The following MAPK4 variants were observed in gnomAD, a reference collection of about 807,000 sequenced individuals.
MAPK4 encodes the protein mitogen-activated protein kinase 4, also known as Erk3-related.
MAPK4 carries 22 observed loss-of-function variants against 47.7 expected under a neutral mutation model. The observed-to-expected ratio is 0.46, with a 90% CI of 0.33 to 0.66. The LOEUF is 0.66. Among genes scored for constraint, MAPK4 ranks in the 30% least tolerant of loss-of-function variants. The pLI is 0.02. For missense variants in MAPK4, 736 were observed against 831.7 expected (o/e 0.88, Z 1.42); for synonymous variants, 390 against 365.7 (o/e 1.07, Z -0.76).
chr18:50,607,192 G>A (rs1010693340), intron 1 of MAPK4, among the ~76,000 whole-genome samples: 3 of 152,132 alleles, frequency 2.0e-5, no homozygotes, highest in Non-Finnish European at 4.4e-5. Flanking sequence ...GGGCCAGGGG[G>A]GAGGGGACTT....
intron 1 of MAPK4, among the ~76,000 whole-genome samples, chr18:50,575,923 CA>C (rs2042293014): frequency 6.6e-6 from 1 of 151,770 alleles, no homozygotes; most frequent in Non-Finnish European, 1.5e-5. Flanking sequence ...TTAGGAAATG[CA>C]AATCCAAAGC....
At chr18:50,566,709 G>A (rs913502722) in intron 1 of MAPK4, among the ~76,000 whole-genome samples, 1 of 152,252 alleles carries the variant, frequency 6.6e-6, no homozygotes, top group Non-Finnish European at 1.5e-5. Flanking sequence ...TTGGTGGAAT[G>A]AGACTATTTT....
At chr18:50,686,233 C>T (rs1908873663) in intron 2 of MAPK4, among the ~76,000 whole-genome samples, 1 of 152,170 alleles carries the variant, frequency 6.6e-6, no homozygotes, top group African/African-American at 2.4e-5. Context: ...TAGCCTTGCA[C>T]CGTAGTGAAC....
intron 1 of MAPK4, among the ~76,000 whole-genome samples, chr18:50,623,559 T>C (rs866477107): frequency 1.3e-5 from 2 of 152,100 alleles, no homozygotes; most frequent in Non-Finnish European, 2.9e-5. Context: ...CCCAACCCCA[T>C]CCTTGACACT....
intron 2 of MAPK4, chr18:50,706,283 A>G (rs1045571663): frequency 3.9e-5 from 6 of 152,244 alleles, no homozygotes; most frequent in African/African-American, 1.4e-4. Flanking sequence ...AATACTACTT[A>G]CCTTTCCAAA....
In MAPK4 at chr18:50,729,280, C is replaced by G. The variant is rs753551722; in HGVS notation, c.1190C>G (p.Pro397Arg). Residue 397 changes from proline (P) to arginine (R), a missense_variant, in exon 6 of 6, where the codon CCG becomes CGG. By Grantham distance (103) the Pro-to-Arg change is moderately radical. This residue lies in a region of MAPK4 where 377 missense variants were observed against 378.6 expected (regional missense o/e 1.00). Coordinates refer to ENST00000400384, the MANE Select transcript of MAPK4 (RefSeq NM_002747.4). ...APLAEDVQVD[P>R]RKDSHSSSER... ...CTGGCTGAGGACGTGCAGGTGGACC[C>G]GCGCAAGGACTCGCACAGCAGCTCC... 8 of 1,609,248 alleles carry G rather than the reference C, an allele frequency of 5.0e-6. No individual in the cohort carries two copies. Among genetic ancestry groups the G allele is most frequent in the Non-Finnish European group, 6.8e-6 (8 of 1,177,836 alleles).
intron 1 of MAPK4, among the ~76,000 whole-genome samples, chr18:50,583,872 G>A (rs968723001): frequency 2.0e-5 from 3 of 152,184 alleles, no homozygotes; most frequent in African/African-American, 7.2e-5. Flanking sequence ...AACCTTGCAG[G>A]TGATCTTGAT....
chr18:50,646,789 GTC>G (rs2042993685), intron 1 of MAPK4, among the ~76,000 whole-genome samples: 1 of 152,124 alleles, frequency 6.6e-6, no homozygotes, highest in Non-Finnish European at 1.5e-5. Flanking sequence ...CTCTCTAGCC[GTC>G]TCTCTATTCC....
At chr18:50,561,662 G>T (rs1444783523) in intron 1 of MAPK4, among the ~76,000 whole-genome samples, 4 of 152,182 alleles carry the variant, frequency 2.6e-5, no homozygotes, top group East Asian at 3.8e-4. Flanking sequence ...TGAACCTCGA[G>T]TCTTCAACTC....
intron 5 of MAPK4, among the ~76,000 whole-genome samples, chr18:50,726,983 C>A (rs1021819346): frequency 1.3e-5 from 2 of 152,218 alleles, no homozygotes; most frequent in Non-Finnish European, 2.9e-5. Flanking sequence ...CTGCAATCTG[C>A]ATCCATGTCA....
At chr18:50,674,430 C>A (rs893603797) in intron 2 of MAPK4, among the ~76,000 whole-genome samples, 2 of 152,130 alleles carry the variant, frequency 1.3e-5, no homozygotes, top group Non-Finnish European at 2.9e-5. Context: ...ATGATCCTGC[C>A]TTTTGTGGTT....
chr18:50,721,870 G>A lies in MAPK4; in HGVS notation c.692-68G>A, dbSNP rs188195766. Reference sequence around the variant, plus strand: ...TGTCCCTCCCAGAACACCTGGCACTGCTTTTGGGCTACTGCACACCACAGC... The same window carrying A: ...TGTCCCTCCCAGAACACCTGGCACTACTTTTGGGCTACTGCACACCACAGC... On this transcript the variant is annotated intron_variant, in intron 3 of 5. Coordinates refer to ENST00000400384, the MANE Select transcript of MAPK4 (RefSeq NM_002747.4). The A allele has an allele frequency of 2.2e-4, 336 of 1,544,894 alleles. No homozygotes were observed. The African/African-American group carries it at 3.8e-3, about 18-fold the overall frequency.
intron 2 of MAPK4, among the ~76,000 whole-genome samples, chr18:50,680,335 G>A (rs1367725158): frequency 2.6e-5 from 4 of 151,720 alleles, no homozygotes; most frequent in South Asian, 2.1e-4. Flanking sequence ...CAGGTACTCC[G>A]CCCACCTCAG....
At chr18:50,599,934 A>C (rs2149371603) in intron 1 of MAPK4, among the ~76,000 whole-genome samples, 1 of 152,262 alleles carries the variant, frequency 6.6e-6, no homozygotes, top group South Asian at 2.1e-4. Context: ...CTCTAAATGG[A>C]ACATCTTACT....
At chr18:50,698,915 T>C (rs373733223) in intron 2 of MAPK4, among the ~76,000 whole-genome samples, 6 of 152,014 alleles carry the variant, frequency 3.9e-5, no homozygotes, top group African/African-American at 1.4e-4. Context: ...ATCCCCGCTA[T>C]CTGGGAGGCT....
intron 1 of MAPK4, among the ~76,000 whole-genome samples, chr18:50,578,747 G>A (rs1361911820): frequency 6.6e-6 from 1 of 152,190 alleles, no homozygotes; most frequent in East Asian, 1.9e-4. Context: ...AGTCTTGGGG[G>A]AGTAATGGAC....
chr18:50,634,626 G>C lies in MAPK4; in HGVS notation c.-870-28463G>C, dbSNP rs142265174. ...TTAAATTTCCCCATAGGCATAAGAGGTGTTTTTGTAGATCATGGAAGAAAT... is the reference window on the plus strand; with the variant it reads ...TTAAATTTCCCCATAGGCATAAGAGCTGTTTTTGTAGATCATGGAAGAAAT... On this transcript the variant is annotated intron_variant, in intron 1 of 5. Coordinates refer to ENST00000400384, the MANE Select transcript of MAPK4 (RefSeq NM_002747.4). 2.7e-3 allele frequency among the ~76,000 whole-genome samples: 411 copies of C among 152,262 alleles called. 3 individuals carry two copies. The highest frequency in any genetic ancestry group is 9.1e-3 in the African/African-American group (380 of 41,540).
In MAPK4 at chr18:50,664,377, T is replaced by A. The variant is rs1419067905; in HGVS notation, c.419T>A (p.Ile140Asn). ...CAGCTGCTCCGCGGGCTCAAGTACA[T>A]CCACTCCGCCAACGTGCTGCACAGG... Reference protein sequence around the residue: ...MYQLLRGLKYIHSANVLHRDL... With the variant: ...MYQLLRGLKYNHSANVLHRDL... Residue 140 changes from isoleucine (I) to asparagine (N), a missense_variant, in exon 2 of 6, where the codon ATC (isoleucine) becomes AAC (asparagine). Ile to Asn is a moderately radical substitution (Grantham distance 149). Around this residue, in one of 3 missense-constraint regions of MAPK4, gnomAD observed 327 missense variants for 395.4 expected, o/e 0.83. Transcript: ENST00000400384. The surrounding 1 kb of genome is among the most constrained non-coding windows in gnomAD (Gnocchi z 6.0). 1 of 1,613,834 alleles carries A rather than the reference T, an allele frequency of 6.2e-7. No individual in the cohort carries two copies. Among genetic ancestry groups the A allele is most frequent in the African/African-American group, 1.3e-5 (1 of 74,894 alleles).
In MAPK4 at chr18:50,632,439, T is replaced by C. The variant is rs1189706494; in HGVS notation, c.-870-30650T>C. Among the ~76,000 whole-genome samples, 16 of 152,264 alleles carry C rather than the reference T, an allele frequency of 1.1e-4. No homozygotes were observed. The East Asian group carries it at 2.9e-3, about 28-fold the overall frequency. ...AATGTCAAGACGCTGCTCCTGATCT[T>C]TCCCTTCCAAATGAGTCATCCAGCA... On this transcript the variant is annotated intron_variant, in intron 1 of 5. Transcript: ENST00000400384.
Sources: gnomAD v4.1 joint callset for allele counts (sites outside exome capture counted in the v4.1 genomes callset) on GRCh38, gnomAD v4.1.1 for gene constraint, gnomAD v4.1.1 regional missense constraint, Gnocchi (gnomAD v3.1) non-coding constraint, MANE v1.5 for transcripts, NCBI Gene and HGNC (gene_info 2026-07-23, HGNC 2026-07-21) for gene names.